The following SIN3A variants were observed in gnomAD, a reference collection of about 807,000 sequenced individuals.
The protein encoded by SIN3A is SIN3 transcription regulator family member A, also known as paired amphipathic helix protein Sin3a.
In SIN3A, 14 loss-of-function variants were observed where a neutral mutation model predicts 146.1. The observed-to-expected ratio is 0.10, with a 90% CI of 0.06 to 0.15. SIN3A has a LOEUF of 0.15. Ranked by LOEUF, SIN3A falls within the 10% of genes least tolerant of loss-of-function variation. SIN3A has a pLI of 1.00. For missense variants in SIN3A, 1,028 were observed against 1,576.0 expected (o/e 0.65, Z 5.89); for synonymous variants, 572 against 572.0 (o/e 1.00, Z 0.00).
chr15:75,410,662 C>A (rs1273155182), intron 6 of SIN3A, among the ~76,000 whole-genome samples: 2 of 152,026 alleles, frequency 1.3e-5, no homozygotes, highest in East Asian at 3.9e-4. Flanking sequence ...TTAGAAATTT[C>A]TCCTCCTCCT....
intron 1 of SIN3A, among the ~76,000 whole-genome samples, chr15:75,431,411 T>C (rs942431137): frequency 6.6e-6 from 1 of 152,128 alleles, no homozygotes. Flanking sequence ...AGTAATCTAC[T>C]TGGCCCAGTA....
At chr15:75,427,750 A>C (rs1388327710) in intron 2 of SIN3A, among the ~76,000 whole-genome samples, 1 of 152,054 alleles carries the variant, frequency 6.6e-6, no homozygotes, top group Non-Finnish European at 1.5e-5. Context: ...GGGGCAGATC[A>C]CCTGAGGTCA....
chr15:75,412,869 T>G lies in SIN3A; in HGVS notation c.650A>C (p.Gln217Pro), dbSNP rs1489233379. Residue 217 changes from glutamine (Q) to proline (P), a missense_variant, in exon 5 of 21, where the codon CAG (glutamine) becomes CCG (proline). Coordinates refer to ENST00000394947, the MANE Select transcript of SIN3A (RefSeq NM_001145358.2). ...TTGGGGTGGTGGTTGAGGCTGTGGC[T>G]GGATGCCATGGGTGGGAATCTGATG... Reference protein sequence around the residue: ...QVHQIPTHGIQPQPQPPPQHP... With the variant: ...QVHQIPTHGIPPQPQPPPQHP... 1 of 1,613,576 alleles carries G rather than the reference T, an allele frequency of 6.2e-7. No individual in the cohort carries two copies. The highest frequency in any genetic ancestry group is 1.7e-5 in the Admixed American group (1 of 59,956).
At chr15:75,439,195 G>C (rs1467328162) in intron 1 of SIN3A, among the ~76,000 whole-genome samples, 1 of 152,150 alleles carries the variant, frequency 6.6e-6, no homozygotes. Flanking sequence ...GAATGCTACT[G>C]ATATCTCACA....
Position 75,400,767 on chromosome 15 carries a change from T to A in SIN3A, c.1700A>T (p.Gln567Leu). The change falls in exon 11 of 21, where the codon CAG (glutamine) becomes CTG (leucine). Residue 567 changes from glutamine to leucine, a missense_variant. By Grantham distance (113) the Gln-to-Leu change is moderately radical. This residue lies in a region of SIN3A where 157 missense variants were observed against 284.8 expected (regional missense o/e 0.55). Coordinates refer to ENST00000394947, the MANE Select transcript of SIN3A (RefSeq NM_001145358.2). ...AGGAGTCCGTCCTGTACACTTGGGC[T>A]GCTGGTAACTCTTTGGTAAGGCTCG... ...SYRALPKSYQ[Q>L]PKCTGRTPLC... The A allele has an allele frequency of 1.9e-6, 3 of 1,614,112 alleles. No individual in the cohort carries two copies. The Middle Eastern group carries it at 5.0e-4, about 268-fold the overall frequency.
intron 1 of SIN3A, among the ~76,000 whole-genome samples, chr15:75,433,011 A>T (rs1328960113): frequency 6.6e-6 from 1 of 152,194 alleles, no homozygotes; most frequent in Admixed American, 6.5e-5. Context: ...ACTGCACCCC[A>T]GGCTGGGGGA....
Position 75,432,201 on chromosome 15 carries a change from A to G in SIN3A, c.-33-1793T>C, listed in dbSNP as rs1287721182. Among the ~76,000 whole-genome samples, 4 of 152,340 alleles carry G rather than the reference A, an allele frequency of 2.6e-5. No homozygotes were observed. The East Asian group carries it at 7.7e-4, about 29-fold the overall frequency. ...AGATTTATGCATGTTATTTGCCACT[A>G]ATCAACTACGAACACTAAACCTCAG... On this transcript the variant is annotated intron_variant, in intron 1 of 20. Coordinates refer to ENST00000394947, the MANE Select transcript of SIN3A (RefSeq NM_001145358.2).
chr15:75,409,848 G>A lies in SIN3A; in HGVS notation c.1305C>T (p.Thr435=). 6.2e-7 allele frequency: 1 copy of A among 1,612,588 alleles called. No individual in the cohort carries two copies. Among genetic ancestry groups the A allele is most frequent in the Non-Finnish European group, 8.5e-7 (1 of 1,179,902 alleles). ...CQIRRHPTGT[T]PPVKKKPKLL... ...TGCCCATTCTCACCTTAACTGGAGG[G>A]GTGGTTCCTGTAGGATGTCTGCGGA... Residue 435 remains threonine (T), a synonymous_variant, in exon 8 of 21, where the codon ACC becomes ACT. Transcript: ENST00000394947.
At position 75,372,006 on chromosome 15, in the gene SIN3A, T is replaced by G; in HGVS notation, c.3795A>C (p.Lys1265Asn). The G allele has an allele frequency of 6.2e-7, 1 of 1,614,248 alleles. No homozygotes were observed. The highest frequency in any genetic ancestry group is 8.5e-7 in the Non-Finnish European group (1 of 1,180,036). Residue 1265 changes from lysine (K) to asparagine (N), a missense_variant, in exon 21 of 21, where the codon AAA becomes AAC. By Grantham distance (94) the Lys-to-Asn change is moderately conservative. Coordinates refer to ENST00000394947, the MANE Select transcript of SIN3A (RefSeq NM_001145358.2). The part of the protein sequence containing the change: ...HFVSINKYRV[K>N]YGTVFKAP ...AAGGGGCTTTGAATACTGTGCCGTA[T>G]TTGACACGATACTTGTTAATGCTCA...
intron 2 of SIN3A, 91 bp from the exon 3 acceptor site, chr15:75,422,914 A>C: frequency 7.4e-7 from 1 of 1,360,164 alleles, no homozygotes; most frequent in African/African-American, 1.5e-5. Flanking sequence ...GCACAAAGAT[A>C]ATTAATTGGA....
intron 1 of SIN3A, among the ~76,000 whole-genome samples, chr15:75,450,190 A>C (rs1010634110): frequency 1.3e-5 from 2 of 151,432 alleles, no homozygotes; most frequent in Non-Finnish European, 2.9e-5. Context: ...TAAAAAAAAA[A>C]AACAAACCCT....
At chr15:75,451,391 C>A (rs1477093418) in intron 1 of SIN3A, 32 bp downstream of exon 1, 7 of 149,570 alleles carry the variant, frequency 4.7e-5, no homozygotes, top group African/African-American at 1.7e-4. Flanking sequence ...CCACCAGGCT[C>A]CCGCCCGGCC....
chr15:75,394,229 A>C (rs985558419), intron 14 of SIN3A, among the ~76,000 whole-genome samples: 2 of 152,214 alleles, frequency 1.3e-5, no homozygotes, highest in African/African-American at 4.8e-5. Flanking sequence ...AGCCCACGGA[A>C]ACCAGGATTT....
chr15:75,440,832 A>T (rs2141609456), intron 1 of SIN3A, among the ~76,000 whole-genome samples: 1 of 152,138 alleles, frequency 6.6e-6, no homozygotes, highest in South Asian at 2.1e-4. Flanking sequence ...AATACAAAAA[A>T]TTAGCCAGGC....
Position 75,438,893 on chromosome 15 carries a change from T to C in SIN3A, c.-33-8485A>G, listed in dbSNP as rs990383556. On this transcript the variant is annotated intron_variant, in intron 1 of 20. Coordinates refer to ENST00000394947, the MANE Select transcript of SIN3A (RefSeq NM_001145358.2). Reference sequence around the variant, plus strand: ...CCAGTGCAATTTTGAGTAGTCTAATTCAAAATTTGTCCAAAAGTCCACCTC... The same window carrying C: ...CCAGTGCAATTTTGAGTAGTCTAATCCAAAATTTGTCCAAAAGTCCACCTC... Among the ~76,000 whole-genome samples, 4 of 152,216 alleles carry C rather than the reference T, an allele frequency of 2.6e-5. No individual in the cohort carries two copies. The East Asian group carries it at 7.7e-4, about 29-fold the overall frequency.
At chr15:75,401,088 G>C (rs1487659122) in intron 10 of SIN3A, 148 bp from the exon 11 acceptor site, 2 of 628,232 alleles carry the variant, frequency 3.2e-6, no homozygotes, top group Non-Finnish European at 2.8e-6. Flanking sequence ...CTGAGCATTT[G>C]GTTTCCCCTT....
At chr15:75,411,948 A>T (rs1040558343) in intron 5 of SIN3A, among the ~76,000 whole-genome samples, 6 of 152,232 alleles carry the variant, frequency 3.9e-5, no homozygotes, top group African/African-American at 1.4e-4. Flanking sequence ...TTTCAGTCTC[A>T]CATTTTCTAA....
chr15:75,392,387 G>C lies in SIN3A; in HGVS notation c.2706C>G (p.Leu902=). 1 of 1,614,266 alleles carries C rather than the reference G, an allele frequency of 6.2e-7. No homozygotes were observed. The change falls in exon 15 of 21, where the codon CTC becomes CTG. Residue 902 remains leucine (L), a synonymous_variant. Transcript: ENST00000394947. ...WYIFMRLHQI[L]CLRLLRICSQ... ...AACAAATCCGTAGCAGCCTCAGGCA[G>C]AGAATCTGGTGCAGTCGCATAAAAA...
At chr15:75,381,812 C>G in intron 17 of SIN3A, 107 bp from the exon 18 acceptor site, 2 of 923,586 alleles carry the variant, frequency 2.2e-6, no homozygotes, top group African/African-American at 1.7e-5. Context: ...AAACTTTGCT[C>G]CAACTGAAGA....
Sources: allele counts gnomAD v4.1 joint callset (sites outside exome capture counted in the v4.1 genomes callset), GRCh38; gene constraint gnomAD v4.1.1; regional missense constraint gnomAD v4.1.1; transcripts MANE v1.5; gene names NCBI Gene and HGNC (gene_info 2026-07-23, HGNC 2026-07-21).